Variants in RIMS1 observed in about 807,000 individuals in gnomAD.
RIMS1 encodes regulating synaptic membrane exocytosis 1.
In RIMS1, 83 loss-of-function variants were observed where a neutral mutation model predicts 214.1. The observed-to-expected ratio is 0.39, with a 90% CI of 0.32 to 0.47. The LOEUF (loss-of-function observed/expected upper bound fraction) is 0.47. Ranked by LOEUF, RIMS1 falls within the 20% of genes least tolerant of loss-of-function variation. The pLI is 0.99. For missense variants in RIMS1, 2,050 were observed against 2,161.8 expected, an observed-to-expected ratio of 0.95 and a Z score of 1.03; for synonymous variants, 793 against 786.8, an observed-to-expected ratio of 1.01 and a Z score of -0.13.
chr6:72,319,891 A>G (rs1384492959), intron 28 of RIMS1, among the ~76,000 whole-genome samples: 1 of 152,134 alleles, frequency 6.6e-6, no homozygotes, highest in African/African-American at 2.4e-5. Flanking sequence ...ACTGTTTGAG[A>G]ATAAAATGAA....
chr6:72,360,685 TCTATA>T (rs2097784452), intron 29 of RIMS1, among the ~76,000 whole-genome samples: 1 of 149,214 alleles, frequency 6.7e-6, no homozygotes. Flanking sequence ...TTTAATATAT[TCTATA>T]CTATATATGT....
chr6:71,988,480 T>C (rs1800674875), intron 2 of RIMS1, among the ~76,000 whole-genome samples: 1 of 152,184 alleles, frequency 6.6e-6, no homozygotes, highest in African/African-American at 2.4e-5. Flanking sequence ...GAGCTAGTAA[T>C]CCCATTTCTG....
intron 28 of RIMS1, among the ~76,000 whole-genome samples, chr6:72,330,033 T>C (rs556127560): frequency 3.3e-5 from 5 of 151,962 alleles, no homozygotes; most frequent in South Asian, 2.1e-4. Context: ...TCAGTTCATG[T>C]AGAAGAATAT....
At chr6:72,286,325 C>G (rs1469613066) in intron 24 of RIMS1, among the ~76,000 whole-genome samples, 2 of 152,162 alleles carry the variant, frequency 1.3e-5, no homozygotes, top group African/African-American at 2.4e-5. Context: ...CCAGTGTCAG[C>G]TGGAGGTGCT....
At chr6:72,067,263 A>G (rs1376450740) in intron 2 of RIMS1, among the ~76,000 whole-genome samples, 1 of 152,158 alleles carries the variant, frequency 6.6e-6, no homozygotes, top group Non-Finnish European at 1.5e-5. Flanking sequence ...ACCCTACAGC[A>G]TCTGCCACCG....
At position 72,274,384 on chromosome 6, in the gene RIMS1, C is replaced by G. The variant is rs750342719; in HGVS notation, c.3434C>G (p.Pro1145Arg). The G allele has an allele frequency of 4.3e-6, 7 of 1,613,030 alleles. No homozygotes were observed. The South Asian group carries it at 4.4e-5, about 10-fold the overall frequency. The change falls in exon 23 of 34, where the codon CCT (proline) becomes CGT (arginine). Residue 1145 changes from proline to arginine, a missense_variant. This residue lies in a region of RIMS1 where 889 missense variants were observed against 885.5 expected (regional missense o/e 1.00). Transcript: ENST00000521978. ...TCCCCCTCCCTAGATAGGAGACGAC[C>G]TCCTAGTCCCAGGATTCAAATCCAG... ...RWSPSLDRRR[P>R]PSPRIQIQHA...
chr6:72,211,886 CTT>C (rs1429267381), intron 6 of RIMS1, among the ~76,000 whole-genome samples: 3 of 152,050 alleles, frequency 2.0e-5, no homozygotes, highest in Admixed American at 2.0e-4. Flanking sequence ...AGGTTAGTGA[CTT>C]AGGAATTTCA....
chr6:72,007,987 T>C (rs1232428118), intron 2 of RIMS1, among the ~76,000 whole-genome samples: 1 of 152,116 alleles, frequency 6.6e-6, no homozygotes, highest in Non-Finnish European at 1.5e-5. Flanking sequence ...ACAAAGATAC[T>C]GTTCGAGAAG....
At chr6:72,361,701 C>G (rs2097831848) in intron 29 of RIMS1, among the ~76,000 whole-genome samples, 1 of 152,218 alleles carries the variant, frequency 6.6e-6, no homozygotes, top group Admixed American at 6.5e-5. Context: ...CCTTCCTAGC[C>G]TCTAGTGGCT....
chr6:72,105,035 A>G (rs187178255), intron 4 of RIMS1, among the ~76,000 whole-genome samples: 93 of 152,264 alleles, frequency 6.1e-4, no homozygotes, highest in African/African-American at 2.2e-3. Flanking sequence ...GGCTCAAACC[A>G]TCTTTCCACC....
rs112902577 is a variant in RIMS1, at chr6:72,360,534, T to G, written c.4366+26699T>G. Among the ~76,000 whole-genome samples, 1,107 of 152,194 alleles carry G rather than the reference T, an allele frequency of 7.3e-3. 15 individuals carry two copies. The highest frequency in any genetic ancestry group is 0.026 in the African/African-American group (1,059 of 41,510). On this transcript the variant is annotated intron_variant, in intron 29 of 33. Transcript: ENST00000521978. ...GGAAACTGAGCAATTTCCACTTTACTTAAAAAGAAACTTAAATAACTTACC... is the reference window on the plus strand; with the variant it reads ...GGAAACTGAGCAATTTCCACTTTACGTAAAAAGAAACTTAAATAACTTACC...
intron 23 of RIMS1, among the ~76,000 whole-genome samples, chr6:72,278,197 A>T (rs2087790844): frequency 6.6e-6 from 1 of 150,822 alleles, no homozygotes; most frequent in Non-Finnish European, 1.5e-5. Context: ...CTATCTATCT[A>T]TATATGATTT....
intron 29 of RIMS1, among the ~76,000 whole-genome samples, chr6:72,389,596 T>G (rs2154435434): frequency 6.6e-6 from 1 of 152,266 alleles, no homozygotes; most frequent in African/African-American, 2.4e-5. Context: ...GATTGAAAAG[T>G]TAATGTGTTT....
intron 22 of RIMS1, 39 bp downstream of exon 22, chr6:72,266,088 A>G (rs972945243): frequency 2.1e-6 from 3 of 1,410,692 alleles, no homozygotes; most frequent in African/African-American, 1.4e-5. Context: ...TATCATTTGT[A>G]CTAGTGATTT....
At chr6:72,204,670 C>A (rs1051481326) in intron 6 of RIMS1, among the ~76,000 whole-genome samples, 3 of 152,092 alleles carry the variant, frequency 2.0e-5, no homozygotes, top group Admixed American at 6.6e-5. Context: ...TAAGCATAAA[C>A]GGAGAAATCA....
chr6:72,016,275 T>C (rs907312880), intron 2 of RIMS1, among the ~76,000 whole-genome samples: 5 of 152,126 alleles, frequency 3.3e-5, no homozygotes, highest in Non-Finnish European at 1.5e-5. Flanking sequence ...CATATGTTTG[T>C]CTTTTGATGT....
chr6:72,108,204 C>T (rs2035181036), intron 4 of RIMS1, among the ~76,000 whole-genome samples: 2 of 151,992 alleles, frequency 1.3e-5, no homozygotes, highest in South Asian at 2.1e-4. Flanking sequence ...AGGCCATCTT[C>T]GCTTCCTGCA....
At chr6:72,031,368 C>T (rs1190789850) in intron 2 of RIMS1, among the ~76,000 whole-genome samples, 1 of 152,108 alleles carries the variant, frequency 6.6e-6, no homozygotes, top group Non-Finnish European at 1.5e-5. Context: ...TTCTTTATAT[C>T]TCAACTCATC....
Position 72,182,914 on chromosome 6 carries a change from G to T in RIMS1, c.1443G>T (p.Ala481=). The stretch of plus-strand genomic sequence containing the variant: ...AGAGCCGCCTGGACCCCAGCTCGGC[G>T]GTCCTCATGCGGAAGGCCAAGCGCG... The part of the protein sequence containing the change: ...RKQSRLDPSS[A]VLMRKAKREK... Residue 481 remains alanine (A), a synonymous_variant, in exon 6 of 34, where the codon GCG becomes GCT. Coordinates refer to ENST00000521978, the MANE Select transcript of RIMS1 (RefSeq NM_014989.7). 1 of 1,579,960 alleles carries T rather than the reference G, an allele frequency of 6.3e-7. No individual in the cohort carries two copies. Among genetic ancestry groups the T allele is most frequent in the Non-Finnish European group, 8.6e-7 (1 of 1,164,430 alleles).
Sources: gnomAD v4.1 joint callset for allele counts (sites outside exome capture counted in the v4.1 genomes callset) on GRCh38, gnomAD v4.1.1 for gene constraint, gnomAD v4.1.1 regional missense constraint, MANE v1.5 for transcripts, NCBI Gene and HGNC (gene_info 2026-07-23, HGNC 2026-07-21) for gene names.